Variants in TMEM131L observed in about 807,000 individuals in gnomAD.
TMEM131L encodes transmembrane protein 131-like.
A neutral mutation model predicts 192.2 loss-of-function variants in TMEM131L; 54 were observed. That is an observed-to-expected ratio of 0.28 (90% CI 0.23 to 0.35). The LOEUF (loss-of-function observed/expected upper bound fraction) is 0.35. Ranked by LOEUF, TMEM131L falls within the 10% of genes least tolerant of loss-of-function variation. The probability of loss-of-function intolerance (pLI) is 1.00; values close to 1 mark genes in which losing one functional copy is unlikely to be tolerated. For synonymous variants in TMEM131L, 701 were observed against 704.9 expected, an observed-to-expected ratio of 0.99 and a Z score of 0.09; for missense variants, 1,888 against 1,972.9, an observed-to-expected ratio of 0.96 and a Z score of 0.82.
At chr4:153,540,914 CT>C (rs199653825) in intron 3 of TMEM131L, among the ~76,000 whole-genome samples, 1 of 151,956 alleles carries the variant, frequency 6.6e-6, no homozygotes, top group Non-Finnish European at 1.5e-5. Context: ...GCTTTGGCTT[CT>C]TTTTTTTATG....
chr4:153,545,806 G>A (rs1262060808), intron 3 of TMEM131L, among the ~76,000 whole-genome samples: 1 of 152,194 alleles, frequency 6.6e-6, no homozygotes, highest in African/African-American at 2.4e-5. Flanking sequence ...GACTAAGAGT[G>A]TGTGGAACAG....
intron 7 of TMEM131L, among the ~76,000 whole-genome samples, chr4:153,572,425 G>T (rs962794449): frequency 1.3e-5 from 2 of 152,078 alleles, no homozygotes; most frequent in African/African-American, 4.8e-5. Context: ...CTGCCTCCCG[G>T]GTTCAAGTGA....
intron 16 of TMEM131L, among the ~76,000 whole-genome samples, chr4:153,589,795 G>T (rs1730944029): frequency 6.6e-6 from 1 of 152,120 alleles, no homozygotes; most frequent in African/African-American, 2.4e-5. Context: ...TCCTCATCTA[G>T]ATTTTGTTCA....
At chr4:153,561,640 C>T (rs1728852912) in intron 7 of TMEM131L, among the ~76,000 whole-genome samples, 1 of 152,120 alleles carries the variant, frequency 6.6e-6, no homozygotes, top group Admixed American at 6.5e-5. Flanking sequence ...ATTGAATTGT[C>T]TTGGTATCCT....
intron 3 of TMEM131L, among the ~76,000 whole-genome samples, chr4:153,503,008 A>G (rs577013542): frequency 6.6e-6 from 1 of 151,226 alleles, no homozygotes; most frequent in Non-Finnish European, 1.5e-5. Flanking sequence ...GACCATGTTT[A>G]TTCCTATTGA....
intron 3 of TMEM131L, among the ~76,000 whole-genome samples, chr4:153,528,400 G>A (rs566415466): frequency 9.2e-5 from 14 of 152,250 alleles, no homozygotes; most frequent in Middle Eastern, 3.4e-3. Context: ...TGAAAAAAGC[G>A]TACCAGTTTT....
intron 33 of TMEM131L, 129 bp downstream of exon 33, chr4:153,634,409 C>A: frequency 1.4e-6 from 1 of 715,510 alleles, no homozygotes; most frequent in Non-Finnish European, 2.4e-6. Context: ...AGTAGACTGC[C>A]GAATGGCTTC....
intron 7 of TMEM131L, among the ~76,000 whole-genome samples, chr4:153,573,752 A>T (rs148522002): frequency 6.6e-6 from 1 of 152,168 alleles, no homozygotes; most frequent in Non-Finnish European, 1.5e-5. Flanking sequence ...TTCTGTTCCA[A>T]TCATGAAATA....
chr4:153,525,463 C>T (rs1228801056), intron 3 of TMEM131L, among the ~76,000 whole-genome samples: 1 of 152,048 alleles, frequency 6.6e-6, no homozygotes, highest in African/African-American at 2.4e-5. Context: ...CCTCAGCCTC[C>T]CAGGTAGCTG....
At chr4:153,610,585 A>T (rs551733622) in intron 25 of TMEM131L, among the ~76,000 whole-genome samples, 1 of 152,328 alleles carries the variant, frequency 6.6e-6, no homozygotes, top group Non-Finnish European at 1.5e-5. Context: ...CTTGCCTGGC[A>T]TTTTTATGGT....
intron 16 of TMEM131L, among the ~76,000 whole-genome samples, chr4:153,590,684 G>A (rs1175502354): frequency 6.6e-6 from 1 of 151,982 alleles, no homozygotes; most frequent in Non-Finnish European, 1.5e-5. Context: ...TTTTCTAAAA[G>A]AGTGTTTCTC....
intron 27 of TMEM131L, 32 bp from the exon 28 acceptor site, chr4:153,621,651 T>C (rs370529661): frequency 2.5e-5 from 40 of 1,608,678 alleles, no homozygotes; most frequent in Non-Finnish European, 3.2e-5. Flanking sequence ...AAAATACAGA[T>C]GTGTTTTTTT....
intron 27 of TMEM131L, 110 bp downstream of exon 27, chr4:153,620,990 T>C: frequency 1.4e-6 from 1 of 728,990 alleles, no homozygotes; most frequent in South Asian, 1.7e-5. Flanking sequence ...ACCGATAATA[T>C]GAGAGTGTAA....
intron 3 of TMEM131L, among the ~76,000 whole-genome samples, chr4:153,478,177 GA>G (rs1731685195): frequency 6.6e-6 from 1 of 152,102 alleles, no homozygotes; most frequent in South Asian, 2.1e-4. Context: ...CATGTGTAAA[GA>G]AATGATCATG....
intron 24 of TMEM131L, 161 bp from the exon 25 acceptor site, chr4:153,603,641 G>A: frequency 1.0e-6 from 1 of 979,664 alleles, no homozygotes; most frequent in Non-Finnish European, 1.5e-6. Context: ...CTTAGTTGAT[G>A]GGTATTCTCA....
At chr4:153,524,882 T>C (rs1735364074) in intron 3 of TMEM131L, among the ~76,000 whole-genome samples, 1 of 152,224 alleles carries the variant, frequency 6.6e-6, no homozygotes, top group Admixed American at 6.5e-5. Context: ...TTGGTGCCTT[T>C]GGCCAGGATG....
intron 3 of TMEM131L, among the ~76,000 whole-genome samples, chr4:153,516,708 T>C (rs2150114877): frequency 6.6e-6 from 1 of 152,302 alleles, no homozygotes; most frequent in East Asian, 1.9e-4. Flanking sequence ...GTACTTGCCC[T>C]CCAGAAAGGT....
intron 3 of TMEM131L, among the ~76,000 whole-genome samples, chr4:153,548,477 G>T (rs1388336783): frequency 6.6e-6 from 1 of 151,864 alleles, no homozygotes; most frequent in Non-Finnish European, 1.5e-5. Context: ...GCTAATTTTT[G>T]TATTTTTAGT....
intron 25 of TMEM131L, among the ~76,000 whole-genome samples, chr4:153,608,811 G>T (rs1410933892): frequency 8.5e-5 from 13 of 152,176 alleles, no homozygotes; most frequent in Admixed American, 8.5e-4. Flanking sequence ...GAGATCACTT[G>T]TGTCTTGTTC....
Sources: allele counts gnomAD v4.1 joint callset (sites outside exome capture counted in the v4.1 genomes callset), GRCh38; gene constraint gnomAD v4.1.1; transcripts MANE v1.5; gene names NCBI Gene and HGNC (gene_info 2026-07-23, HGNC 2026-07-21).